The following DNAH6 variants were observed in gnomAD, a reference collection of about 807,000 sequenced individuals.
DNAH6 encodes the protein dynein axonemal heavy chain 6, also known as axonemal beta dynein heavy chain 6.
A neutral mutation model predicts 491.4 loss-of-function variants in DNAH6; 340 were observed. That is an observed-to-expected ratio of 0.69 (90% confidence interval 0.63 to 0.76). The LOEUF is 0.76. DNAH6 is among the 30% of genes least tolerant of loss of function. The probability of loss-of-function intolerance (pLI) is 0.00; values close to 1 mark genes in which losing one functional copy is unlikely to be tolerated. For synonymous variants in DNAH6, 1,603 were observed against 1,686.1 expected (o/e 0.95, Z 1.21); for missense variants, 4,443 against 4,972.2 (o/e 0.89, Z 3.20).
chr2:84,749,489 T>G (rs1673268434), intron 63 of DNAH6, among the ~76,000 whole-genome samples: 1 of 152,170 alleles, frequency 6.6e-6, no homozygotes, highest in South Asian at 2.1e-4. Context: ...TGTTCTGAGG[T>G]TGACCATGGG....
chr2:84,702,911 A>G (rs895865628), intron 49 of DNAH6, among the ~76,000 whole-genome samples: 1 of 152,134 alleles, frequency 6.6e-6, no homozygotes, highest in African/African-American at 2.4e-5. Flanking sequence ...CAGCCCTTTG[A>G]TCATGGTCAA....
At chr2:84,654,516 GCTCTCCCACT>G (rs1447937170) in intron 34 of DNAH6, 134 bp from the exon 35 acceptor site, 11 of 1,039,888 alleles carry the variant, frequency 1.1e-5, no homozygotes, top group Non-Finnish European at 1.5e-5. Flanking sequence ...ATTACTTATT[GCTCTCCCACT>G]CTCTTCCACA....
Position 84,807,260 on chromosome 2 carries a change from G to T in DNAH6, c.11612-1155G>T, listed in dbSNP as rs116402652. On this transcript the variant is annotated intron_variant, in intron 71 of 76. Transcript: ENST00000389394. ...TCATTGGCACTGCTGTGGGATTTTT[G>T]TCCAGCAGCCAAATGTGTGTGGTCA... 6.0e-3 allele frequency among the ~76,000 whole-genome samples: 909 copies of T among 152,296 alleles called. 11 individuals are homozygous for T. The highest frequency in any genetic ancestry group is 0.021 in the African/African-American group (856 of 41,556).
the DNAH6 span, among the ~76,000 whole-genome samples, chr2:84,469,761 C>A: frequency 6.6e-6 from 1 of 152,140 alleles, no homozygotes. This position sits in a 1 kb window ranked among gnomAD's most constrained non-coding sequence, Gnocchi z 4.0. Flanking sequence ...CCTGCCTAAC[C>A]CTGTAACCCA....
intron 29 of DNAH6, among the ~76,000 whole-genome samples, chr2:84,633,531 A>G (rs951552028): frequency 2.0e-4 from 30 of 151,972 alleles, no homozygotes; most frequent in African/African-American, 6.5e-4. Flanking sequence ...GCTTTGCTGC[A>G]TGTATGTATT....
At chr2:84,801,998 G>T (rs560756412) in intron 70 of DNAH6, among the ~76,000 whole-genome samples, 1 of 152,146 alleles carries the variant, frequency 6.6e-6, no homozygotes, top group African/African-American at 2.4e-5. Context: ...TCTTTCCCAA[G>T]CAAGTAATCA....
intron 64 of DNAH6, among the ~76,000 whole-genome samples, chr2:84,778,378 T>C (rs1020884270): frequency 1.3e-5 from 2 of 152,214 alleles, no homozygotes; most frequent in Non-Finnish European, 2.9e-5. Context: ...TTAGTTCTGC[T>C]CTGATTTTAG....
At chr2:84,693,539 C>G (rs898177861) in intron 45 of DNAH6, among the ~76,000 whole-genome samples, 7 of 151,950 alleles carry the variant, frequency 4.6e-5, no homozygotes, top group African/African-American at 1.7e-4. Context: ...ATCAGGAGAT[C>G]GAGACCATCC....
intron 11 of DNAH6, among the ~76,000 whole-genome samples, chr2:84,570,472 A>G (rs1342803152): frequency 6.6e-6 from 1 of 151,970 alleles, no homozygotes; most frequent in Non-Finnish European, 1.5e-5. Context: ...CACTCTGTAA[A>G]AACGCACCAA....
intron 47 of DNAH6, among the ~76,000 whole-genome samples, chr2:84,698,536 C>A (rs1695599422): frequency 1.3e-5 from 2 of 152,222 alleles, no homozygotes. Context: ...AGTCAGTGTG[C>A]CTCTGCATCA....
intron 33 of DNAH6, among the ~76,000 whole-genome samples, chr2:84,652,104 A>G (rs930974503): frequency 1.3e-5 from 2 of 152,058 alleles, no homozygotes; most frequent in Admixed American, 6.5e-5. Context: ...GAATATTCCT[A>G]TACATATATC....
At chr2:84,613,521 A>C (rs1317569128) in intron 22 of DNAH6, among the ~76,000 whole-genome samples, 1 of 152,150 alleles carries the variant, frequency 6.6e-6, no homozygotes, top group East Asian at 1.9e-4. Context: ...GATAAGCACC[A>C]AAACTACAAA....
At chr2:84,539,352 A>G (rs774272130) in intron 4 of DNAH6, among the ~76,000 whole-genome samples, 3 of 152,086 alleles carry the variant, frequency 2.0e-5, no homozygotes, top group Non-Finnish European at 2.9e-5. Context: ...ACATCCTGGC[A>G]CTGCTCTGGA....
chr2:84,623,851 G>GA (rs910575186), intron 26 of DNAH6, among the ~76,000 whole-genome samples: 2 of 152,166 alleles, frequency 1.3e-5, no homozygotes, highest in African/African-American at 4.8e-5. Context: ...ATATTAATGG[G>GA]AAAACCACCC....
At chr2:84,585,205 G>T (rs1204523007) in intron 15 of DNAH6, among the ~76,000 whole-genome samples, 1 of 152,162 alleles carries the variant, frequency 6.6e-6, no homozygotes, top group African/African-American at 2.4e-5. Context: ...ACAACTCAAT[G>T]AATTATCTGA....
At chr2:84,592,130 A>T (rs1684175824) in intron 16 of DNAH6, among the ~76,000 whole-genome samples, 1 of 152,184 alleles carries the variant, frequency 6.6e-6, no homozygotes, top group Non-Finnish European at 1.5e-5. Context: ...AGCAAAGGAA[A>T]CAATCAACAG....
intron 58 of DNAH6, among the ~76,000 whole-genome samples, chr2:84,717,230 T>A (rs1697624385): frequency 6.6e-6 from 1 of 152,234 alleles, no homozygotes; most frequent in Non-Finnish European, 1.5e-5. Flanking sequence ...ATTTGATTAA[T>A]GTTTCTCTCA....
chr2:84,606,968 C>G lies in DNAH6; in HGVS notation c.3175-8C>G. The G allele has an allele frequency of 1.3e-6, 2 of 1,548,944 alleles. No individual in the cohort carries two copies. The highest frequency in any genetic ancestry group is 1.7e-6 in the Non-Finnish European group (2 of 1,144,960). On this transcript the variant is annotated splice_region_variant and splice_polypyrimidine_tract_variant and intron_variant, in intron 20 of 76. Transcript: ENST00000389394. ...TGCTGCATGTATTTTCTTCCCCTTC[C>G]TTTAAAGGTCCTTCTTGATGATAGC... is the stretch of plus-strand genomic sequence containing the variant.
Position 84,669,478 on chromosome 2 carries a change from G to A in DNAH6, c.6274G>A (p.Val2092Met), listed in dbSNP as rs191274389. 52 of 1,551,756 alleles carry A rather than the reference G, an allele frequency of 3.4e-5. No individual in the cohort carries two copies. Among genetic ancestry groups the A allele is most frequent in the South Asian group, 1.9e-4 (16 of 84,062 alleles). ...MEKLLAVKHS[V>M]LFTGITGVGK... ...AAAACTACTGGCAGTCAAGCATTCC[G>A]TGTTGTTTACTGGAATAACTGGAGT... is the stretch of plus-strand genomic sequence containing the variant. The change falls in exon 38 of 77, where the codon GTG (valine) becomes ATG (methionine). Residue 2092 changes from valine (V) to methionine (M), a missense_variant. This residue lies in a region of DNAH6 where 2,977 missense variants were observed against 3,296.6 expected (regional missense o/e 0.90). Transcript: ENST00000389394.
Sources: gnomAD v4.1 joint callset for allele counts (sites outside exome capture counted in the v4.1 genomes callset) on GRCh38, gnomAD v4.1.1 for gene constraint, gnomAD v4.1.1 regional missense constraint, Gnocchi (gnomAD v3.1) non-coding constraint, MANE v1.5 for transcripts, NCBI Gene and HGNC (gene_info 2026-07-23, HGNC 2026-07-21) for gene names.